The following NAV3 variants were observed in gnomAD, a reference collection of about 807,000 sequenced individuals.
The protein encoded by NAV3 is pore membrane and/or filament interacting like protein 1.
A neutral mutation model predicts 244.7 loss-of-function variants in NAV3; 87 were observed. That is an observed-to-expected ratio of 0.36 (90% CI 0.30 to 0.42). NAV3 has a LOEUF of 0.42. NAV3 is among the 20% of genes least tolerant of loss of function. The pLI is 1.00. For synonymous variants in NAV3, 1,126 were observed against 1,042.2 expected (o/e 1.08, Z -1.55); for missense variants, 2,663 against 2,893.3 (o/e 0.92, Z 1.83).
In NAV3 at chr12:78,006,462, C is replaced by A. The variant is rs539744405; in HGVS notation, c.924C>A (p.Asn308Lys). 1 of 1,613,970 alleles carries A rather than the reference C, an allele frequency of 6.2e-7. No individual in the cohort carries two copies. Among genetic ancestry groups the A allele is most frequent in the Non-Finnish European group, 8.5e-7 (1 of 1,180,000 alleles). Residue 308 changes from asparagine to lysine, a missense_variant, in exon 8 of 40, where the codon AAC (asparagine) becomes AAA (lysine). Around this residue, in one of 6 missense-constraint regions of NAV3, gnomAD observed 1,521 missense variants for 1,497.0 expected, o/e 1.02. Coordinates refer to ENST00000397909, the MANE Select transcript of NAV3 (RefSeq NM_001024383.2). ...GPQSSSGVNG[N>K]VQPPSTAGQP... ...AATCGTCTTCAGGTGTAAATGGTAA[C>A]GTGCAGCCTCCCAGTACTGCTGGGC... is the stretch of plus-strand genomic sequence containing the variant.
intron 2 of NAV3, among the ~76,000 whole-genome samples, chr12:77,795,173 A>G (rs1380875480): frequency 2.6e-5 from 4 of 152,218 alleles, no homozygotes; most frequent in Non-Finnish European, 5.9e-5. Flanking sequence ...GCAATTAAAA[A>G]TGCTACTCCA....
chr12:77,902,229 A>G (rs1885384760), intron 1 of NAV3, among the ~76,000 whole-genome samples: 1 of 152,198 alleles, frequency 6.6e-6, no homozygotes, highest in African/African-American at 2.4e-5. Flanking sequence ...ATTGGTTTCT[A>G]GACTCATTGT....
chr12:78,033,483 G>A (rs1404866112), intron 9 of NAV3, among the ~76,000 whole-genome samples: 1 of 151,894 alleles, frequency 6.6e-6, no homozygotes, highest in African/African-American at 2.4e-5. Flanking sequence ...CCTCTTCCTT[G>A]TATAACATAC....
At chr12:77,620,310 C>G (rs1035477421) in intron 2 of NAV3, among the ~76,000 whole-genome samples, 1 of 152,104 alleles carries the variant, frequency 6.6e-6, no homozygotes, top group African/African-American at 2.4e-5. Flanking sequence ...ATAGTAGTTG[C>G]TCAATAAATG....
intron 2 of NAV3, among the ~76,000 whole-genome samples, chr12:77,762,549 G>C (rs1869526381): frequency 6.6e-6 from 1 of 152,068 alleles, no homozygotes; most frequent in Non-Finnish European, 1.5e-5. Flanking sequence ...GTTGTAGTGA[G>C]CTGAGATTGT....
rs561820214 is a variant in NAV3 at position 78,045,821 on chromosome 12, C to G, written c.2024-4172C>G. On this transcript the variant is annotated intron_variant, in intron 9 of 39. Coordinates refer to ENST00000397909, the MANE Select transcript of NAV3 (RefSeq NM_001024383.2). ...AGAAGGAATGGTACCAGCTCCTCTT[C>G]GTAGTTCTGTTAGAATTCGACTGTG... Among the ~76,000 whole-genome samples the G allele has an allele frequency of 1.1e-4, 17 of 152,184 alleles. No homozygotes were observed. In the East Asian group the frequency reaches 2.7e-3, roughly 24 times the overall value.
At chr12:78,024,802 C>T (rs569073591) in intron 9 of NAV3, among the ~76,000 whole-genome samples, 17 of 151,920 alleles carry the variant, frequency 1.1e-4, no homozygotes, top group African/African-American at 3.6e-4. Flanking sequence ...GGTGAGATGC[C>T]GTCTCTACTA....
intron 22 of NAV3, among the ~76,000 whole-genome samples, chr12:78,155,644 A>T (rs1351145977): frequency 6.6e-6 from 1 of 152,058 alleles, no homozygotes; most frequent in African/African-American, 2.4e-5. Flanking sequence ...GTGTAAAAGC[A>T]TTCCTTTTTC....
chr12:77,955,930 G>A (rs1891317706), intron 3 of NAV3, among the ~76,000 whole-genome samples: 1 of 152,090 alleles, frequency 6.6e-6, no homozygotes, highest in Non-Finnish European at 1.5e-5. Flanking sequence ...TTTTCTAGGA[G>A]TCTGTGTTTC....
At chr12:78,010,342 C>T (rs941425763) in intron 8 of NAV3, among the ~76,000 whole-genome samples, 3 of 152,090 alleles carry the variant, frequency 2.0e-5, no homozygotes, top group African/African-American at 7.2e-5. Context: ...TTTGGAGTTG[C>T]TAATCATTTG....
At chr12:77,956,587 T>C (rs1213575375) in intron 3 of NAV3, among the ~76,000 whole-genome samples, 1 of 152,198 alleles carries the variant, frequency 6.6e-6, no homozygotes, top group Non-Finnish European at 1.5e-5. Flanking sequence ...AAGTCAGCTC[T>C]ATAAGCATAA....
chr12:77,831,745 T>G, intron 1 of NAV3, 41 bp downstream of exon 1: 1 of 1,548,022 alleles, frequency 6.5e-7, no homozygotes, highest in Non-Finnish European at 8.7e-7. Flanking sequence ...GTAGCTAAAA[T>G]GCACATTTCT....
chr12:77,616,859 T>C (rs1327008854), intron 2 of NAV3, among the ~76,000 whole-genome samples: 1 of 152,180 alleles, frequency 6.6e-6, no homozygotes, highest in Non-Finnish European at 1.5e-5. Context: ...TCAACAACTT[T>C]TCTACATTTC....
At position 78,122,372 on chromosome 12, in the gene NAV3, C is replaced by T. The variant is rs368948661; in HGVS notation, c.4182C>T (p.His1394=). 5 of 1,613,610 alleles carry T rather than the reference C, an allele frequency of 3.1e-6. No homozygotes were observed. The highest frequency in any genetic ancestry group is 1.3e-5 in the African/African-American group (1 of 74,948). Residue 1394 remains histidine (H), a synonymous_variant, in exon 16 of 40, where the codon CAC becomes CAT. Coordinates refer to ENST00000397909, the MANE Select transcript of NAV3 (RefSeq NM_001024383.2). ...GSLSGLTTGT[H]EVQSLLMRTG... ...TGTCTGGACTGACCACAGGCACTCA[C>T]GAGGTCCAGAGCCTGCTCATGAGAA...
At chr12:77,621,448 G>C (rs1311738494) in intron 2 of NAV3, among the ~76,000 whole-genome samples, 1 of 151,078 alleles carries the variant, frequency 6.6e-6, no homozygotes, top group Admixed American at 6.6e-5. Context: ...ATAATAGCCA[G>C]TGAACTCTAC....
intron 2 of NAV3, among the ~76,000 whole-genome samples, chr12:77,693,873 A>G (rs1875157290): frequency 6.6e-6 from 1 of 152,082 alleles, no homozygotes; most frequent in East Asian, 1.9e-4. Flanking sequence ...TGTTCTTCAT[A>G]TACAAAGACA....
intron 2 of NAV3, among the ~76,000 whole-genome samples, chr12:77,607,313 C>G (rs570836401): frequency 6.6e-6 from 1 of 152,172 alleles, no homozygotes; most frequent in Non-Finnish European, 1.5e-5. Context: ...TAGACCCTAC[C>G]GGGCTATCCC....
intron 9 of NAV3, among the ~76,000 whole-genome samples, chr12:78,044,412 G>T (rs765632749): frequency 6.6e-6 from 1 of 151,958 alleles, no homozygotes; most frequent in Non-Finnish European, 1.5e-5. Context: ...TTGGCTATAC[G>T]GGCTCTTTTT....
intron 34 of NAV3, among the ~76,000 whole-genome samples, chr12:78,196,429 T>C (rs969680785): frequency 1.3e-5 from 2 of 152,004 alleles, no homozygotes; most frequent in African/African-American, 4.8e-5. Flanking sequence ...GGAATTGTTT[T>C]ATAACCCTGA....
Sources: gnomAD v4.1 joint callset for allele counts (sites outside exome capture counted in the v4.1 genomes callset) on GRCh38, gnomAD v4.1.1 for gene constraint, gnomAD v4.1.1 regional missense constraint, MANE v1.5 for transcripts, NCBI Gene and HGNC (gene_info 2026-07-23, HGNC 2026-07-21) for gene names.